Variants in OFD1 observed in about 807,000 individuals in gnomAD.
The protein encoded by OFD1 is OFD1 centriole and centriolar satellite protein, also known as centriole and centriolar satellite protein OFD1.
OFD1 carries 12 observed loss-of-function variants against 81.4 expected under a neutral mutation model. The ratio of observed to expected loss-of-function variants is 0.15; its 90% CI spans 0.09 to 0.24. The LOEUF is 0.24. OFD1 is among the 10% of genes least tolerant of loss of function. OFD1 has a pLI of 1.00. For missense variants in OFD1, 685 were observed against 733.9 expected, an observed-to-expected ratio of 0.93 and a Z score of 0.77; for synonymous variants, 256 against 263.7, an observed-to-expected ratio of 0.97 and a Z score of 0.28.
At chrX:13,735,140 A>G (rs2046805503) in intron 1 of OFD1, 57 bp downstream of exon 1, 1 of 1,207,586 alleles carries the variant, frequency 8.3e-7, no homozygotes, top group African/African-American at 1.7e-5. Flanking sequence ...TGTTCGTTAA[A>G]CTTTCGCCGC....
intron 5 of OFD1, among the ~76,000 whole-genome samples, chrX:13,741,854 C>A (rs377334005): frequency 7.2e-5 from 8 of 111,648 alleles, no homozygotes; most frequent in African/African-American, 2.6e-4. Context: ...TGGGGCAGGG[C>A]AGAACAAGTC....
chrX:13,740,789 T>A (rs1430797084), intron 5 of OFD1, among the ~76,000 whole-genome samples: 1 of 93,696 alleles, frequency 1.1e-5, no homozygotes, highest in African/African-American at 4.1e-5. Context: ...CTGGACTCCA[T>A]CTCAAAAAAA....
intron 10 of OFD1, chrX:13,752,560 A>C (rs982028754): frequency 1.3e-4 from 48 of 383,076 alleles, no homozygotes; most frequent in Non-Finnish European, 2.3e-5. Flanking sequence ...TTTTACCCAC[A>C]TCTTCTATGT....
At chrX:13,749,870 C>G (rs190405246) in intron 9 of OFD1, among the ~76,000 whole-genome samples, 3 of 112,575 alleles carry the variant, frequency 2.7e-5, no homozygotes, top group Non-Finnish European at 3.8e-5. Context: ...TGTATAGTAA[C>G]TGAATTCCAT....
At chrX:13,741,837 G>C (rs2047117610) in intron 5 of OFD1, among the ~76,000 whole-genome samples, 1 of 111,906 alleles carries the variant, frequency 8.9e-6, no homozygotes, top group Admixed American at 9.4e-5. Flanking sequence ...AAGGTCGATT[G>C]ATCAGTTGGG....
intron 1 of OFD1, 26 bp from the exon 2 acceptor site, chrX:13,735,221 GT>G: frequency 8.3e-7 from 1 of 1,202,996 alleles, no homozygotes. Flanking sequence ...TGCCCCGCAG[GT>G]AACCTATAAC....
intron 15 of OFD1, among the ~76,000 whole-genome samples, chrX:13,759,702 T>A (rs912382910): frequency 6.2e-5 from 7 of 112,351 alleles, no homozygotes; most frequent in Admixed American, 2.8e-4. Flanking sequence ...TAAAGCACAT[T>A]AATTATTTTG....
At chrX:13,716,109 A>T in the OFD1 span, 621 of 1,170,763 alleles carry the variant, frequency 5.3e-4, 2 homozygotes, top group Non-Finnish European at 6.6e-4. Context: ...TTAAGGCATA[A>T]TCTTTCTTAG....
chrX:13,754,732 A>C lies in OFD1; in HGVS notation c.1130-419A>C, dbSNP rs779950440. Among the ~76,000 whole-genome samples, 12 of 112,911 alleles carry C rather than the reference A, an allele frequency of 1.1e-4. No homozygotes were observed. The South Asian group carries it at 1.8e-3, about 17-fold the overall frequency. On this transcript the variant is annotated intron_variant, in intron 11 of 22. Transcript: ENST00000340096. ...CCCTTTTACTATCTTGTGGAGACTA[A>C]TACTTCTTTTATGCATTAATACCAT... is the stretch of plus-strand genomic sequence containing the variant.
At chrX:13,736,071 C>T in intron 2 of OFD1, 2 of 684,821 alleles carry the variant, frequency 2.9e-6, no homozygotes, top group South Asian at 5.7e-5. Flanking sequence ...TATAGCAGTC[C>T]CCTGTTGTTG....
intron 3 of OFD1, 67 bp downstream of exon 3, chrX:13,736,745 T>G: frequency 2.4e-6 from 2 of 845,191 alleles, no homozygotes; most frequent in Non-Finnish European, 3.5e-6. Flanking sequence ...GACAGTAAAG[T>G]GCTGTATGAT....
At position 13,749,555 on chromosome X, in the gene OFD1, T is replaced by C. The variant is rs779591710; in HGVS notation, c.935+22T>C. The C allele has an allele frequency of 6.5e-6, 6 of 925,408 alleles. No homozygotes were observed. The Admixed American group carries it at 1.3e-4, about 20-fold the overall frequency. The allele number at this position is 925,408 out of a possible 1,213,427, so 76.3% of individuals were successfully genotyped here. A position where few individuals can be genotyped will look rare whatever the true frequency, so the allele number is the denominator to read the frequency against. ...AATTGTAAGTAATGCATGTTCATTT[T>C]GGATATTCAGAATGATGAGATTAAA... On this transcript the variant is annotated intron_variant, in intron 9 of 22. Coordinates refer to ENST00000340096, the MANE Select transcript of OFD1 (RefSeq NM_003611.3).
chrX:13,735,642 G>A (rs2046833266), intron 2 of OFD1, among the ~76,000 whole-genome samples: 2 of 112,322 alleles, frequency 1.8e-5, no homozygotes, highest in Non-Finnish European at 3.8e-5. Context: ...GATTAGGCTT[G>A]TTTTATAAAT....
chrX:13,743,628 T>C (rs1418156371), intron 5 of OFD1, among the ~76,000 whole-genome samples: 3 of 112,735 alleles, frequency 2.7e-5, no homozygotes, highest in Non-Finnish European at 3.7e-5. Flanking sequence ...AGCAGTGTTA[T>C]AGGGAAAATA....
chrX:13,737,134 C>CT (rs1483434464), intron 3 of OFD1, among the ~76,000 whole-genome samples: 1 of 96,751 alleles, frequency 1.0e-5, no homozygotes, highest in African/African-American at 3.7e-5. Context: ...ATCTAGATCT[C>CT]TAACATGAGC....
intron 3 of OFD1, among the ~76,000 whole-genome samples, chrX:13,738,167 C>T (rs1055586463): frequency 1.8e-5 from 2 of 112,471 alleles, no homozygotes; most frequent in Admixed American, 1.9e-4. Context: ...ATTTTTGATA[C>T]ATCATTCTCT....
At chrX:13,716,029 G>A in the OFD1 span, 3 of 1,190,254 alleles carry the variant, frequency 2.5e-6, no homozygotes, top group African/African-American at 5.3e-5. Context: ...ATAAACATCA[G>A]TAAAGAAGTT....
intron 5 of OFD1, among the ~76,000 whole-genome samples, chrX:13,741,177 G>C (rs902849951): frequency 2.7e-5 from 3 of 111,403 alleles, no homozygotes; most frequent in Non-Finnish European, 5.7e-5. Flanking sequence ...CTCTTTAAAT[G>C]CATCTGGTTC....
chrX:13,761,007 A>T, intron 16 of OFD1, 78 bp from the exon 17 acceptor site: 1 of 1,118,459 alleles, frequency 8.9e-7, no homozygotes, highest in Non-Finnish European at 1.2e-6. Flanking sequence ...TCAAACTAGT[A>T]GAGCTCTTTA....
Sources: gnomAD v4.1 joint callset for allele counts (sites outside exome capture counted in the v4.1 genomes callset) on GRCh38, gnomAD v4.1.1 for gene constraint, MANE v1.5 for transcripts, NCBI Gene and HGNC (gene_info 2026-07-23, HGNC 2026-07-21) for gene names.